ADAMTS12: variants seen among roughly 807,000 people sequenced by gnomAD.
ADAMTS12 encodes A disintegrin and metalloproteinase with thrombospondin motifs 12.
In ADAMTS12, 118 loss-of-function variants were observed where a neutral mutation model predicts 167.8. The observed-to-expected ratio is 0.70, with a 90% CI of 0.61 to 0.82. The LOEUF (loss-of-function observed/expected upper bound fraction) is 0.82, where lower values mean the gene tolerates loss of function less well. Ranked by LOEUF, ADAMTS12 falls within the 40% of genes least tolerant of loss-of-function variation. The pLI is 0.00. For missense variants in ADAMTS12, 1,916 were observed against 1,998.8 expected (o/e 0.96, Z 0.79); for synonymous variants, 704 against 716.9 (o/e 0.98, Z 0.29).
chr5:33,854,403 A>C (rs568040549), intron 2 of ADAMTS12, among the ~76,000 whole-genome samples: 1 of 151,750 alleles, frequency 6.6e-6, no homozygotes, highest in Non-Finnish European at 1.5e-5. Context: ...AGAAGAGATA[A>C]ACACCAGAAG....
At chr5:33,852,303 T>C (rs1749245621) in intron 2 of ADAMTS12, among the ~76,000 whole-genome samples, 1 of 152,204 alleles carries the variant, frequency 6.6e-6, no homozygotes, top group Admixed American at 6.5e-5. Flanking sequence ...AAAGGTTTTC[T>C]AGAAGAAAGA....
intron 2 of ADAMTS12, among the ~76,000 whole-genome samples, chr5:33,860,558 G>A (rs187891940): frequency 2.6e-5 from 4 of 152,218 alleles, no homozygotes; most frequent in African/African-American, 4.8e-5. Flanking sequence ...TGAAAGTGTC[G>A]AGGAGAATGG....
chr5:33,659,374 C>G (rs1021534484), intron 6 of ADAMTS12, among the ~76,000 whole-genome samples: 4 of 152,192 alleles, frequency 2.6e-5, no homozygotes, highest in African/African-American at 9.6e-5. Context: ...ATTTACGTAA[C>G]TTCTAGGTCT....
At chr5:33,628,066 T>C (rs10068310) in intron 13 of ADAMTS12, among the ~76,000 whole-genome samples, 53,100 of 151,886 alleles carry the variant, frequency 0.35, 10,383 homozygotes, top group African/African-American at 0.54. Flanking sequence ...GTGTAACAGA[T>C]TGGGGGAAGG....
chr5:33,615,033 C>G (rs1738923269), intron 15 of ADAMTS12, among the ~76,000 whole-genome samples: 1 of 152,202 alleles, frequency 6.6e-6, no homozygotes, highest in South Asian at 2.1e-4. Context: ...CTCTTGGGAT[C>G]TTCCCCTTAC....
At chr5:33,866,808 GAAGAT>G (rs1434575192) in intron 2 of ADAMTS12, among the ~76,000 whole-genome samples, 9 of 151,786 alleles carry the variant, frequency 5.9e-5, no homozygotes, top group African/African-American at 2.2e-4. Context: ...TTACTCAAAA[GAAGAT>G]AAGTGGCCAA....
At chr5:33,656,086 G>T (rs1741050723) in intron 7 of ADAMTS12, among the ~76,000 whole-genome samples, 2 of 152,060 alleles carry the variant, frequency 1.3e-5, no homozygotes, top group Admixed American at 6.5e-5. Flanking sequence ...ATTTGAAATA[G>T]AACAATAATA....
intron 19 of ADAMTS12, among the ~76,000 whole-genome samples, chr5:33,562,656 G>C (rs2111896847): frequency 6.7e-6 from 1 of 149,608 alleles, no homozygotes; most frequent in African/African-American, 2.5e-5. Context: ...TTTTGGGATG[G>C]AGTCTCACCC....
intron 6 of ADAMTS12, among the ~76,000 whole-genome samples, chr5:33,659,636 C>G (rs887267852): frequency 1.3e-4 from 20 of 152,176 alleles, no homozygotes; most frequent in African/African-American, 4.8e-4. Flanking sequence ...ATGGTTCTTA[C>G]AGGCCAGCAG....
rs777862875 is a variant in ADAMTS12 at position 33,649,608 on chromosome 5, G to C, written c.1280C>G (p.Pro427Arg). 4.3e-6 allele frequency: 7 copies of C among 1,614,056 alleles called. No homozygotes were observed. Among genetic ancestry groups the C allele is most frequent in the Non-Finnish European group, 5.9e-6 (7 of 1,179,922 alleles). The change falls in exon 8 of 24, where the codon CCC becomes CGC. Residue 427 changes from proline to arginine, a missense_variant. Transcript: ENST00000504830. ...YIMSRQLQYDPTPLTWSKCSE... is the reference protein window; with the variant it reads ...YIMSRQLQYDRTPLTWSKCSE... ...GCACTTGGACCATGTCAGCGGAGTG[G>C]GATCGTACTGGAGCTGGCGGGACAT...
At chr5:33,716,952 G>A (rs1462092849) in intron 3 of ADAMTS12, among the ~76,000 whole-genome samples, 2 of 151,998 alleles carry the variant, frequency 1.3e-5, no homozygotes, top group African/African-American at 4.8e-5. Flanking sequence ...ACAGCAGGAG[G>A]GGCATTGTAC....
chr5:33,810,984 T>C (rs1253848584), intron 2 of ADAMTS12, among the ~76,000 whole-genome samples: 1 of 152,152 alleles, frequency 6.6e-6, no homozygotes, highest in Non-Finnish European at 1.5e-5. Flanking sequence ...GTTACAGCTG[T>C]TTGATGTGGG....
At position 33,808,261 on chromosome 5, in the gene ADAMTS12, T is replaced by C. The variant is rs149357774; in HGVS notation, c.490-56713A>G. 1.1e-4 allele frequency among the ~76,000 whole-genome samples: 16 copies of C among 152,314 alleles called. No individual in the cohort carries two copies. In the East Asian group the frequency reaches 1.3e-3, roughly 13 times the overall value. On this transcript the variant is annotated intron_variant, in intron 2 of 23. Transcript: ENST00000504830. Reference sequence around the variant, plus strand: ...GAAAAGCTATTTCCAGTTGCAGAGATGCCTTTGGTGTATGGAGTCTCTGTC... The same window carrying C: ...GAAAAGCTATTTCCAGTTGCAGAGACGCCTTTGGTGTATGGAGTCTCTGTC...
intron 17 of ADAMTS12, among the ~76,000 whole-genome samples, chr5:33,590,431 T>C (rs1038050702): frequency 3.3e-5 from 5 of 152,186 alleles, no homozygotes; most frequent in African/African-American, 7.2e-5. Flanking sequence ...GGCTTTACCA[T>C]CATGAATGGA....
At chr5:33,583,078 C>T (rs1388002510) in intron 18 of ADAMTS12, among the ~76,000 whole-genome samples, 1 of 102,698 alleles carries the variant, frequency 9.7e-6, no homozygotes. Flanking sequence ...AATAGTAGGT[C>T]TTATTCATTC....
intron 22 of ADAMTS12, among the ~76,000 whole-genome samples, chr5:33,538,481 G>A (rs1744522698): frequency 1.3e-5 from 2 of 152,038 alleles, no homozygotes; most frequent in Non-Finnish European, 2.9e-5. Context: ...GGGTTTTCTT[G>A]TTGCCAATGA....
At position 33,743,482 on chromosome 5, in the gene ADAMTS12, C is replaced by T. The variant is rs538913758; in HGVS notation, c.634+7922G>A. ...AGGGCCTCATCTTCCATATCATCCT[C>T]CAAGGCCCCTGCCTCTTTTGTATCT... On this transcript the variant is annotated intron_variant, in intron 3 of 23. Coordinates refer to ENST00000504830, the MANE Select transcript of ADAMTS12 (RefSeq NM_030955.4). Among the ~76,000 whole-genome samples the T allele has an allele frequency of 2.0e-5, 3 of 152,316 alleles. No homozygotes were observed. In the South Asian group the frequency reaches 6.2e-4, roughly 32 times the overall value.
Position 33,641,871 on chromosome 5 carries a change from G to A in ADAMTS12, c.1657C>T (p.His553Tyr), listed in dbSNP as rs1357356397. The change falls in exon 11 of 24, where the codon CAC becomes TAC. Residue 553 changes from histidine (H) to tyrosine (Y), a missense_variant. By Grantham distance (83) the His-to-Tyr change is moderately conservative (BLOSUM62 2). Coordinates refer to ENST00000504830, the MANE Select transcript of ADAMTS12 (RefSeq NM_030955.4). ...CCAGCCCCACAGGTCCTGGAACAGT[G>A]GGACCAGGGTGACCAGCGGCCCCAG... ...GGWGRWSPWS[H>Y]CSRTCGAGVQ... 1.9e-6 allele frequency: 3 copies of A among 1,613,750 alleles called. No individual in the cohort carries two copies. In the East Asian group the frequency reaches 6.7e-5, roughly 36 times the overall value.
At position 33,595,947 on chromosome 5, in the gene ADAMTS12, C is replaced by A. The variant is rs1213708496; in HGVS notation, c.2641G>T (p.Ala881Ser). 1.9e-6 allele frequency: 3 copies of A among 1,613,972 alleles called. No individual in the cohort carries two copies. The highest frequency in any genetic ancestry group is 2.7e-5 in the African/African-American group (2 of 74,938). Residue 881 changes from alanine (A) to serine (S), a missense_variant, in exon 17 of 24, where the codon GCT becomes TCT. Transcript: ENST00000504830. ...NGRQKKCHEK[A>S]CPPRWWAGEW... The stretch of plus-strand genomic sequence containing the variant: ...AGCGATGGTTACCTGGGTGGACAAG[C>A]CTTTTCATGGCACTTCTTCTGTCTC...
Sources: allele counts gnomAD v4.1 joint callset (sites outside exome capture counted in the v4.1 genomes callset), GRCh38; gene constraint gnomAD v4.1.1; transcripts MANE v1.5; gene names NCBI Gene and HGNC (gene_info 2026-07-23, HGNC 2026-07-21).